Variants in SNTG2 observed in about 807,000 individuals in gnomAD.
SNTG2 encodes syntrophin gamma 2, also known as gamma-2-syntrophin.
A neutral mutation model predicts 70.9 loss-of-function variants in SNTG2; 74 were observed. The ratio of observed to expected loss-of-function variants is 1.04; its 90% CI spans 0.86 to 1.27. The LOEUF (loss-of-function observed/expected upper bound fraction) is 1.27, where lower values mean the gene tolerates loss of function less well. SNTG2 is among the 50% of genes most tolerant of loss of function. The probability of loss-of-function intolerance (pLI) is 0.00; values close to 1 mark genes in which losing one functional copy is unlikely to be tolerated. For missense variants in SNTG2, 717 were observed against 690.7 expected, an observed-to-expected ratio of 1.04 and a Z score of -0.43; for synonymous variants, 278 against 273.8, an observed-to-expected ratio of 1.02 and a Z score of -0.15.
At chr2:1,239,099 G>C (rs1676877231) in intron 10 of SNTG2, among the ~76,000 whole-genome samples, 1 of 152,316 alleles carries the variant, frequency 6.6e-6, no homozygotes, top group South Asian at 2.1e-4. Context: ...TCAATAAATA[G>C]GGAAGAAAGG....
intron 1 of SNTG2, among the ~76,000 whole-genome samples, chr2:1,034,632 G>A (rs933540405): frequency 2.0e-5 from 3 of 152,088 alleles, no homozygotes; most frequent in African/African-American, 7.2e-5. Context: ...TATTTTGTGA[G>A]TTTTTAATAG....
intron 6 of SNTG2, among the ~76,000 whole-genome samples, chr2:1,156,967 T>C (rs1669939525): frequency 6.6e-6 from 1 of 152,054 alleles, no homozygotes; most frequent in African/African-American, 2.4e-5. Flanking sequence ...TTAAACTCCT[T>C]CCCTGGTTAT....
At chr2:1,306,206 C>T (rs764568831) in intron 14 of SNTG2, among the ~76,000 whole-genome samples, 2 of 152,140 alleles carry the variant, frequency 1.3e-5, no homozygotes, top group African/African-American at 2.4e-5. Context: ...GGACTCTCAT[C>T]GCCAATGCCA....
At chr2:1,012,234 A>C (rs1294534282) in intron 1 of SNTG2, among the ~76,000 whole-genome samples, 1 of 152,262 alleles carries the variant, frequency 6.6e-6, no homozygotes, top group Non-Finnish European at 1.5e-5. Flanking sequence ...GGATGCCTAC[A>C]TTGCCAGGGA....
At chr2:1,226,132 G>A (rs575460752) in intron 9 of SNTG2, among the ~76,000 whole-genome samples, 56 of 152,278 alleles carry the variant, frequency 3.7e-4, no homozygotes, top group African/African-American at 1.3e-3. Context: ...AAATTCTACT[G>A]GTTTATAACC....
At chr2:1,076,453 G>A (rs2148151031) in intron 1 of SNTG2, among the ~76,000 whole-genome samples, 1 of 152,270 alleles carries the variant, frequency 6.6e-6, no homozygotes, top group South Asian at 2.1e-4. Context: ...GGATAAACAA[G>A]GGGCAATGCT....
At chr2:1,111,148 A>G (rs1311449446) in intron 4 of SNTG2, among the ~76,000 whole-genome samples, 1 of 152,234 alleles carries the variant, frequency 6.6e-6, no homozygotes, top group Non-Finnish European at 1.5e-5. Flanking sequence ...CTTTATTGCT[A>G]ATGAATCAAT....
At chr2:1,316,532 C>T (rs74994128) in intron 16 of SNTG2, among the ~76,000 whole-genome samples, 157 bp downstream of exon 16, 3 of 151,490 alleles carry the variant, frequency 2.0e-5, no homozygotes, top group Non-Finnish European at 2.9e-5. Flanking sequence ...GCAATAAATA[C>T]GCCGAAAGAG....
intron 4 of SNTG2, among the ~76,000 whole-genome samples, chr2:1,132,211 GTA>G (rs151288197): frequency 0.11 from 16,359 of 148,540 alleles, 1,014 homozygotes; most frequent in Admixed American, 0.15. Flanking sequence ...ATATATATGT[GTA>G]TATATATGTG....
At chr2:1,040,764 C>T (rs748990878) in intron 1 of SNTG2, among the ~76,000 whole-genome samples, 13 of 152,294 alleles carry the variant, frequency 8.5e-5, no homozygotes, top group South Asian at 4.1e-4. Flanking sequence ...GAGGCTAAAA[C>T]GCATAATGAC....
At chr2:1,064,336 G>T (rs879843104) in intron 1 of SNTG2, among the ~76,000 whole-genome samples, 1 of 151,946 alleles carries the variant, frequency 6.6e-6, no homozygotes, top group African/African-American at 2.4e-5. Flanking sequence ...AATGTGAACT[G>T]CAGGGTGAAA....
intron 11 of SNTG2, among the ~76,000 whole-genome samples, chr2:1,244,771 G>C (rs1027796870): frequency 4.6e-5 from 7 of 151,038 alleles, no homozygotes; most frequent in African/African-American, 1.7e-4. Flanking sequence ...AGAAATTCTG[G>C]TTCCACACTT....
intron 1 of SNTG2, among the ~76,000 whole-genome samples, chr2:1,002,639 G>T (rs1405052892): frequency 6.6e-6 from 1 of 150,724 alleles, no homozygotes; most frequent in African/African-American, 2.4e-5. Flanking sequence ...ATCTATGGTT[G>T]GTTGAAATAT....
chr2:1,149,217 G>GAGACACAT (rs1553339083), intron 6 of SNTG2, among the ~76,000 whole-genome samples: 2 of 148,930 alleles, frequency 1.3e-5, no homozygotes. Context: ...GTGAGAGAGA[G>GAGACACAT]ACACACACAC....
intron 13 of SNTG2, among the ~76,000 whole-genome samples, chr2:1,262,653 T>TCCAGACGAGGC (rs1553374864): frequency 8.8e-6 from 1 of 114,188 alleles, no homozygotes; most frequent in Non-Finnish European, 1.7e-5. Flanking sequence ...CCAGACGTAG[T>TCCAGACGAGGC]AACCGGAAGG....
intron 7 of SNTG2, among the ~76,000 whole-genome samples, chr2:1,171,556 C>G (rs1314443598): frequency 6.6e-6 from 1 of 152,172 alleles, no homozygotes; most frequent in African/African-American, 2.4e-5. Flanking sequence ...TCTCAACAAC[C>G]CTGTGAAACG....
chr2:1,329,759 G>A (rs920509882), intron 16 of SNTG2, among the ~76,000 whole-genome samples: 7 of 152,162 alleles, frequency 4.6e-5, no homozygotes, highest in African/African-American at 1.4e-4. Flanking sequence ...CGCATCGTGT[G>A]GGGGAGGCCT....
chr2:1,258,770 C>T lies in SNTG2; in HGVS notation c.1006-600C>T, dbSNP rs947100340. Among the ~76,000 whole-genome samples the T allele has an allele frequency of 2.4e-4, 37 of 152,084 alleles. 1 individual carries two copies. The highest frequency in any genetic ancestry group is 2.1e-4 in the South Asian group (1 of 4,828). On this transcript the variant is annotated intron_variant, in intron 12 of 16. Coordinates refer to ENST00000308624, the MANE Select transcript of SNTG2 (RefSeq NM_018968.4). ...GAATTGTGAAACATACAGCATTATT[C>T]GACAGTGAGATTAGTTTGGCCATTA...
chr2:1,251,531 C>A (rs1314169710), intron 12 of SNTG2, among the ~76,000 whole-genome samples: 1 of 147,670 alleles, frequency 6.8e-6, no homozygotes, highest in Non-Finnish European at 1.5e-5. Flanking sequence ...GCACATACCA[C>A]ACACATAACA....
Sources: allele counts gnomAD v4.1 joint callset (sites outside exome capture counted in the v4.1 genomes callset), GRCh38; gene constraint gnomAD v4.1.1; transcripts MANE v1.5; gene names NCBI Gene and HGNC (gene_info 2026-07-23, HGNC 2026-07-21).